TLN2: variants seen among roughly 807,000 people sequenced by gnomAD.
TLN2 encodes talin-2.
A neutral mutation model predicts 294.7 loss-of-function variants in TLN2; 118 were observed. The observed-to-expected ratio is 0.40, with a 90% CI of 0.34 to 0.47. The LOEUF is 0.47. Among genes scored for constraint, TLN2 ranks in the 20% least tolerant of loss-of-function variants. The pLI is 0.84. For synonymous variants in TLN2, 1,431 were observed against 1,304.5 expected (o/e 1.10, Z -2.09); for missense variants, 3,083 against 3,282.2 (o/e 0.94, Z 1.48).
At chr15:62,499,229 A>G (rs2117549) in intron 1 of TLN2, among the ~76,000 whole-genome samples, 24,101 of 152,160 alleles carry the variant, frequency 0.16, 1,957 homozygotes, top group Non-Finnish European at 0.18. Flanking sequence ...TGGGAACATC[A>G]CTTGAGCTCA....
At chr15:62,607,781 A>G (rs1567183464) in intron 2 of TLN2, among the ~76,000 whole-genome samples, 1 of 152,158 alleles carries the variant, frequency 6.6e-6, no homozygotes, top group East Asian at 1.9e-4. Context: ...ATGTATGCAC[A>G]TACACCTCTC....
In TLN2 at chr15:62,602,312, T is replaced by C. The variant is rs117195716; in HGVS notation, c.-162+12550T>C. Among the ~76,000 whole-genome samples, 420 of 152,370 alleles carry C rather than the reference T, an allele frequency of 2.8e-3. 3 individuals carry two copies. Among genetic ancestry groups the C allele is most frequent in the Non-Finnish European group, 4.5e-3 (306 of 68,028 alleles). ...ATATTTTTTCATCTGCTTTATCTCA[T>C]GCTGCATACACAACAGTATATTCGA... On this transcript the variant is annotated intron_variant, in intron 2 of 58. Coordinates refer to ENST00000636159, the MANE Select transcript of TLN2 (RefSeq NM_015059.3).
intron 1 of TLN2, among the ~76,000 whole-genome samples, chr15:62,554,208 C>G (rs981025110): frequency 6.6e-6 from 1 of 151,524 alleles, no homozygotes; most frequent in African/African-American, 2.4e-5. Context: ...ACCCCTGCCC[C>G]CCTCACTGTG....
At chr15:62,553,154 C>A (rs1245248927) in intron 1 of TLN2, among the ~76,000 whole-genome samples, 1 of 152,218 alleles carries the variant, frequency 6.6e-6, no homozygotes, top group African/African-American at 2.4e-5. Context: ...GTGCCAGCTT[C>A]AGTATATCTT....
rs753102133 is a variant in TLN2 at position 62,819,616 on chromosome 15, T to C, written c.6872T>C (p.Met2291Thr). 6.2e-7 allele frequency: 1 copy of C among 1,609,816 alleles called. No homozygotes were observed. Among genetic ancestry groups the C allele is most frequent in the Non-Finnish European group, 8.5e-7 (1 of 1,179,918 alleles). ...GAGCTCATCCAGGCGGCGGAAGCCA[T>C]GAAAGGTAGGCTGGATTCTCACGTC... Reference protein sequence around the residue: ...VTELIQAAEAMKGTEWVDPED... With the variant: ...VTELIQAAEATKGTEWVDPED... Residue 2291 changes from methionine to threonine, a missense_variant, in exon 53 of 59, where the codon ATG (methionine) becomes ACG (threonine). Physicochemically the swap from Met to Thr is moderately conservative, Grantham distance 81. Coordinates refer to ENST00000636159, the MANE Select transcript of TLN2 (RefSeq NM_015059.3).
At chr15:62,493,714 G>A (rs1441721250) in intron 1 of TLN2, among the ~76,000 whole-genome samples, 1 of 151,566 alleles carries the variant, frequency 6.6e-6, no homozygotes, top group Admixed American at 6.6e-5. Flanking sequence ...GGGTTCAAGC[G>A]ATTCTCCTGC....
At chr15:62,595,333 T>A (rs2046397908) in intron 2 of TLN2, among the ~76,000 whole-genome samples, 1 of 147,904 alleles carries the variant, frequency 6.8e-6, no homozygotes, top group Admixed American at 6.9e-5. Flanking sequence ...GGCAGGAGAA[T>A]CGCTTGAACC....
At chr15:62,620,952 C>A (rs1283942993) in intron 3 of TLN2, among the ~76,000 whole-genome samples, 1 of 149,832 alleles carries the variant, frequency 6.7e-6, no homozygotes, top group Non-Finnish European at 1.5e-5. Flanking sequence ...TGTTCTCCTG[C>A]CTCAGCCTCC....
At position 62,776,554 on chromosome 15, in the gene TLN2, T is replaced by C. The variant is rs2063731705; in HGVS notation, c.5368-210T>C. On this transcript the variant is annotated intron_variant, in intron 42 of 58. Coordinates refer to ENST00000636159, the MANE Select transcript of TLN2 (RefSeq NM_015059.3). ...ATATTGCAGTTTTATTTTTCCCTGA[T>C]TGTAAAAAGAGATCTTTTTCTATTT... Among the ~76,000 whole-genome samples, 4 of 152,210 alleles carry C rather than the reference T, an allele frequency of 2.6e-5. No individual in the cohort carries two copies. The South Asian group carries it at 8.3e-4, about 32-fold the overall frequency.
At chr15:62,543,966 G>C (rs113527080) in intron 1 of TLN2, among the ~76,000 whole-genome samples, 3,551 of 152,204 alleles carry the variant, frequency 0.023, 49 homozygotes, top group Middle Eastern at 0.034. Flanking sequence ...AGGGGCTGGG[G>C]CTGGCGTGGA....
intron 1 of TLN2, among the ~76,000 whole-genome samples, chr15:62,512,760 G>A (rs145839233): frequency 3.7e-4 from 56 of 152,302 alleles, no homozygotes; most frequent in African/African-American, 1.3e-3. Context: ...GTGTGTTCCA[G>A]TTTCTTGGAA....
rs975938547 is a variant in TLN2, at chr15:62,835,935, C to A, written c.7236C>A (p.Ala2412=). ...CGACCAGCAGTCTCTGTGAGGCGGC[C>A]AATGCCTCCGTTCAGGGACACGCCA... The part of the protein sequence containing the change: ...AAATSSLCEA[A]NASVQGHASE... The change falls in exon 57 of 59, where the codon GCC becomes GCA. Residue 2412 remains alanine (A), a synonymous_variant. Transcript: ENST00000636159. 5.0e-6 allele frequency: 8 copies of A among 1,614,096 alleles called. No individual in the cohort carries two copies. The highest frequency in any genetic ancestry group is 6.8e-6 in the Non-Finnish European group (8 of 1,180,036).
chr15:62,575,954 G>T (rs543829693), intron 1 of TLN2, among the ~76,000 whole-genome samples: 2 of 152,084 alleles, frequency 1.3e-5, no homozygotes, highest in Non-Finnish European at 2.9e-5. Context: ...ATGTAATTTT[G>T]TCTTATTCTG....
At chr15:62,594,313 T>A (rs1485742524) in intron 2 of TLN2, among the ~76,000 whole-genome samples, 1 of 152,172 alleles carries the variant, frequency 6.6e-6, no homozygotes, top group Admixed American at 6.5e-5. Context: ...GCACAAGTGA[T>A]CCTTTCACTG....
chr15:62,416,307 TAAG>T lies in TLN2; in HGVS notation c.-238+25623_-238+25625del, dbSNP rs1363754385. Among the ~76,000 whole-genome samples, 3 of 152,010 alleles carry T rather than the reference TAAG, an allele frequency of 2.0e-5. No individual in the cohort carries two copies. In the East Asian group the frequency reaches 5.8e-4, roughly 29 times the overall value. On this transcript the variant is annotated intron_variant, in intron 1 of 58. Coordinates refer to ENST00000636159, the MANE Select transcript of TLN2 (RefSeq NM_015059.3). ...GCAAGACTCTATCTCAAACAATAAATAAGTAGATTAATTAATTAAAAACAAAAT... is the reference window on the plus strand; with the variant it reads ...GCAAGACTCTATCTCAAACAATAAATTAGATTAATTAATTAAAAACAAAAT...
At chr15:62,538,413 T>G (rs927863975) in intron 1 of TLN2, among the ~76,000 whole-genome samples, 1 of 152,236 alleles carries the variant, frequency 6.6e-6, no homozygotes, top group Non-Finnish European at 1.5e-5. Context: ...ATACTTTGCA[T>G]TGAATGCAAT....
At chr15:62,583,020 G>T (rs1426325387) in intron 1 of TLN2, among the ~76,000 whole-genome samples, 2 of 152,048 alleles carry the variant, frequency 1.3e-5, no homozygotes, top group African/African-American at 4.8e-5. Flanking sequence ...TTAAAAAAAA[G>T]GAAAACAAAA....
intron 28 of TLN2, among the ~76,000 whole-genome samples, chr15:62,734,908 T>C (rs1380018867): frequency 6.6e-6 from 1 of 152,196 alleles, no homozygotes; most frequent in Non-Finnish European, 1.5e-5. Flanking sequence ...AGGTGCTGAC[T>C]CAGCTGAAGC....
At chr15:62,783,963 G>C (rs1293076678) in intron 45 of TLN2, 73 bp downstream of exon 45, 9 of 1,592,822 alleles carry the variant, frequency 5.7e-6, no homozygotes, top group Admixed American at 1.7e-5. Context: ...TTTCTTCATA[G>C]CTTAGCTCCA....
Sources: allele counts gnomAD v4.1 joint callset (sites outside exome capture counted in the v4.1 genomes callset), GRCh38; gene constraint gnomAD v4.1.1; transcripts MANE v1.5; gene names NCBI Gene and HGNC (gene_info 2026-07-23, HGNC 2026-07-21).